Variants in SAMSN1 observed in about 807,000 individuals in gnomAD.
SAMSN1 encodes SAM domain, SH3 domain and nuclear localization signals 1, also known as SAM domain-containing protein SAMSN-1.
A neutral mutation model predicts 42.0 loss-of-function variants in SAMSN1; 31 were observed. The observed-to-expected ratio is 0.74, with a 90% CI of 0.55 to 1.00. The LOEUF is 1.00. Ranked by LOEUF, SAMSN1 falls within the 50% of genes least tolerant of loss-of-function variation. The pLI is 0.00. For missense variants in SAMSN1, 464 were observed against 439.4 expected (o/e 1.06, Z -0.50); for synonymous variants, 178 against 151.9 (o/e 1.17, Z -1.26).
chr21:14,548,479 T>C (rs559497365), upstream of SAMSN1, among the ~76,000 whole-genome samples: 5 of 152,282 alleles, frequency 3.3e-5, no homozygotes, highest in South Asian at 8.3e-4. Flanking sequence ...TTTAAAAGCG[T>C]TATACTCAAG....
chr21:14,527,760 T>TAAAAAAAA (rs71183427), intron 1 of SAMSN1, among the ~76,000 whole-genome samples: 1 of 107,876 alleles, frequency 9.3e-6, no homozygotes, highest in African/African-American at 4.5e-5. Context: ...AAACTAGAAC[T>TAAAAAAAA]AAAAAAAAAA....
At chr21:14,552,123 A>T (rs1044579193) in intron 2 of SAMSN1, among the ~76,000 whole-genome samples, 14 of 152,080 alleles carry the variant, frequency 9.2e-5, no homozygotes, top group African/African-American at 3.4e-4. Context: ...TATAATTAAG[A>T]TTCAGTATCA....
chr21:14,557,601 C>A (rs1728083288), intron 2 of SAMSN1, among the ~76,000 whole-genome samples: 1 of 152,178 alleles, frequency 6.6e-6, no homozygotes. Context: ...TTATCCCCAG[C>A]TACCAGTTAA....
At chr21:14,582,086 A>G (rs752356703) in intron 2 of SAMSN1, 11 of 1,440,850 alleles carry the variant, frequency 7.6e-6, no homozygotes, top group South Asian at 2.8e-5. Context: ...CTTTCCCGAC[A>G]GTACAAAACC....
intron 2 of SAMSN1, among the ~76,000 whole-genome samples, chr21:14,620,142 T>G (rs1410366729): frequency 6.6e-6 from 1 of 152,196 alleles, no homozygotes; most frequent in Non-Finnish European, 1.5e-5. Context: ...GTCAGAGATA[T>G]CTTCCTGCTT....
At chr21:14,610,780 GACA>G (rs2123322315) in intron 4 of SAMSN1, among the ~76,000 whole-genome samples, 1 of 152,272 alleles carries the variant, frequency 6.6e-6, no homozygotes, top group African/African-American at 2.4e-5. Flanking sequence ...GTCCTTCATG[GACA>G]ACAACAGGTA....
At chr21:14,648,675 A>G (rs1325445671) in intron 1 of SAMSN1, among the ~76,000 whole-genome samples, 1 of 150,768 alleles carries the variant, frequency 6.6e-6, no homozygotes, top group African/African-American at 2.4e-5. Context: ...AAAAATGCTC[A>G]TCATCACTGG....
Position 14,627,491 on chromosome 21 carries a change from G to A in SAMSN1, c.157-11475C>T, listed in dbSNP as rs528556820. 1.1e-4 allele frequency among the ~76,000 whole-genome samples: 16 copies of A among 152,286 alleles called. No homozygotes were observed. The South Asian group carries it at 3.3e-3, about 32-fold the overall frequency. ...CTTGCCTCAATTTAGATATGCTCAAGATGGAAGCACTCAGAGTGTGACTTG... is the reference window on the plus strand; with the variant it reads ...CTTGCCTCAATTTAGATATGCTCAAAATGGAAGCACTCAGAGTGTGACTTG... On this transcript the variant is annotated intron_variant, in intron 2 of 15. Coordinates refer to the SAMSN1 transcript ENST00000647101.
intron 2 of SAMSN1, among the ~76,000 whole-genome samples, chr21:14,622,863 C>G: frequency 6.6e-6 from 1 of 152,110 alleles, no homozygotes. Context: ...TTAAGGGCAG[C>G]CAGAGAGAAA....
intron 5 of SAMSN1, among the ~76,000 whole-genome samples, chr21:14,605,746 C>T (rs532997042): frequency 6.6e-6 from 1 of 151,886 alleles, no homozygotes; most frequent in Non-Finnish European, 1.5e-5. Flanking sequence ...TTAAGAACAC[C>T]TCTTCTTTCC....
intron 1 of SAMSN1, among the ~76,000 whole-genome samples, chr21:14,545,625 T>C (rs1363656195): frequency 1.3e-5 from 2 of 152,180 alleles, no homozygotes; most frequent in East Asian, 1.9e-4. Flanking sequence ...TACCAGTATA[T>C]GGTGTTTTGA....
intron 2 of SAMSN1, among the ~76,000 whole-genome samples, chr21:14,517,747 T>A (rs1028272): frequency 0.89 from 134,847 of 152,186 alleles, 59,849 homozygotes; most frequent in East Asian, 1. Flanking sequence ...AATAAAACAC[T>A]CTGTTCACAG....
upstream of SAMSN1, among the ~76,000 whole-genome samples, chr21:14,587,270 T>C (rs1197708149): frequency 6.6e-6 from 1 of 152,238 alleles, no homozygotes; most frequent in East Asian, 1.9e-4. Flanking sequence ...TTTAATTCTA[T>C]TAACTTCTCA....
chr21:14,615,635 T>G, intron 3 of SAMSN1, among the ~76,000 whole-genome samples: 1 of 152,308 alleles, frequency 6.6e-6, no homozygotes, highest in South Asian at 2.1e-4. Flanking sequence ...CACATTTTTA[T>G]GTGGATTAGA....
intron 1 of SAMSN1, among the ~76,000 whole-genome samples, chr21:14,651,416 GA>G (rs1374494938): frequency 6.6e-6 from 1 of 151,930 alleles, no homozygotes; most frequent in East Asian, 1.9e-4. Flanking sequence ...CATATCCACA[GA>G]ATGAAGTTTA....
At chr21:14,598,137 T>G (rs1982324587) in intron 6 of SAMSN1, 1 of 152,074 alleles carries the variant, frequency 6.6e-6, no homozygotes, top group South Asian at 2.1e-4. Context: ...AAAGAAAATG[T>G]TTTGGTTCAG....
At chr21:14,594,018 C>T (rs1234123438) in exon 7 of SAMSN1, 2 of 715,742 alleles carry the variant, frequency 2.8e-6, no homozygotes, top group Non-Finnish European at 5.2e-6. Context: ...CTCACCAGTT[C>T]ATCAACAGTG....
intron 1 of SAMSN1, among the ~76,000 whole-genome samples, chr21:14,652,000 G>A (rs1215633254): frequency 6.6e-6 from 1 of 151,932 alleles, no homozygotes; most frequent in Non-Finnish European, 1.5e-5. Context: ...ATCAATTGAG[G>A]AGGACATAAA....
chr21:14,498,461 T>C lies in SAMSN1; in HGVS notation c.900A>G (p.Glu300=). 6.2e-7 allele frequency: 1 copy of C among 1,609,962 alleles called. No individual in the cohort carries two copies. Among genetic ancestry groups the C allele is most frequent in the Non-Finnish European group, 8.5e-7 (1 of 1,178,962 alleles). ...DDRRRLLSAA[E]NFLEEEIIQE... ...ACTTACTTTCTTCTTCAAGGAAGTT[T>C]TCAGCAGCTGATAGTAACCTTCTTC... Residue 300 remains glutamate, a synonymous_variant, in exon 7 of 8, where the codon GAA becomes GAG. Transcript: ENST00000400566.
Sources: gnomAD v4.1 joint callset for allele counts (sites outside exome capture counted in the v4.1 genomes callset) on GRCh38, gnomAD v4.1.1 for gene constraint, MANE v1.5 for transcripts, NCBI Gene and HGNC (gene_info 2026-07-23, HGNC 2026-07-21) for gene names.